COPS2: variants seen among roughly 807,000 people sequenced by gnomAD.
The protein encoded by COPS2 is COP9 signalosome complex subunit 2.
Under a neutral mutation model 66.1 loss-of-function variants are expected in COPS2, and 10 were observed. The ratio of observed to expected loss-of-function variants is 0.15; its 90% CI spans 0.09 to 0.26. The LOEUF (loss-of-function observed/expected upper bound fraction) is 0.26, where lower values mean the gene tolerates loss of function less well. Ranked by LOEUF, COPS2 falls within the 10% of genes least tolerant of loss-of-function variation. The probability of loss-of-function intolerance (pLI) is 1.00; values close to 1 mark genes in which losing one functional copy is unlikely to be tolerated. For missense variants in COPS2, 215 were observed against 513.3 expected, an observed-to-expected ratio of 0.42 and a Z score of 5.62; for synonymous variants, 179 against 171.3, an observed-to-expected ratio of 1.04 and a Z score of -0.35.
rs1195639134 is a variant in COPS2 at position 49,125,647 on chromosome 15, G to C, written c.*2303C>G. 1 of 152,032 alleles carries C rather than the reference G, an allele frequency of 6.6e-6. No individual in the cohort carries two copies. The highest frequency in any genetic ancestry group is 1.5e-5 in the Non-Finnish European group (1 of 67,946). 9.4% of individuals were successfully genotyped at this position (152,032 alleles called of 1,614,324 possible). A position where few individuals can be genotyped will look rare whatever the true frequency, so the allele number is the denominator to read the frequency against. Reference sequence around the variant, plus strand: ...TTAAGGGAAGAATAAATTATTTTAAGTTAGTCAGACTGTTAAGATATATTT... The same window carrying C: ...TTAAGGGAAGAATAAATTATTTTAACTTAGTCAGACTGTTAAGATATATTT... On this transcript the variant is annotated 3_prime_UTR_variant, in exon 13 of 13. Transcript: ENST00000388901.
chr15:49,127,612 C>G lies in COPS2; in HGVS notation c.*338G>C, dbSNP rs1374678940. On this transcript the variant is annotated 3_prime_UTR_variant, in exon 13 of 13. Coordinates refer to ENST00000388901, the MANE Select transcript of COPS2 (RefSeq NM_004236.4). ...GCAGGTAAAACATGTTTAAATTTAA[C>G]CAACAGTAGCGTGTCAGTGTATTTA... is the stretch of plus-strand genomic sequence containing the variant. The G allele has an allele frequency of 5.4e-6, 1 of 184,760 alleles. No individual in the cohort carries two copies. The highest frequency in any genetic ancestry group is 1.1e-5 in the Non-Finnish European group (1 of 89,902). 11.4% of individuals were successfully genotyped at this position (184,760 alleles called of 1,614,324 possible). A position where few individuals can be genotyped will look rare whatever the true frequency, so the allele number is the denominator to read the frequency against.
chr15:49,130,794 T>C lies in COPS2; in HGVS notation c.970A>G (p.Thr324Ala). The C allele has an allele frequency of 6.3e-7, 1 of 1,591,586 alleles. No individual in the cohort carries two copies. The highest frequency in any genetic ancestry group is 8.6e-7 in the Non-Finnish European group (1 of 1,160,736). Residue 324 changes from threonine to alanine, a missense_variant, in exon 10 of 13, where the codon ACT becomes GCT. Around this residue, in one of 5 missense-constraint regions of COPS2, gnomAD observed 56 missense variants for 173.6 expected, o/e 0.32. Transcript: ENST00000388901. Reference sequence around the variant, plus strand: ...GTTTTTAGAATCTTTTCAAATTCAGTGATGTCATTATTCTGATAGGCACTA... The same window carrying C: ...GTTTTTAGAATCTTTTCAAATTCAGCGATGTCATTATTCTGATAGGCACTA... ...LVSAYQNNDI[T>A]EFEKILKTNH...
intron 2 of COPS2, 60 bp from the exon 3 acceptor site, chr15:49,144,364 G>T: frequency 1.1e-6 from 1 of 932,132 alleles, no homozygotes; most frequent in Non-Finnish European, 1.7e-6. Context: ...TTCTAATGAT[G>T]CCCAATGTGT....
chr15:49,136,009 T>A (rs555029835), intron 6 of COPS2, among the ~76,000 whole-genome samples: 31 of 152,330 alleles, frequency 2.0e-4, no homozygotes, highest in African/African-American at 7.5e-4. Flanking sequence ...TGGTTATGCA[T>A]CAGACTAAAG....
intron 9 of COPS2, among the ~76,000 whole-genome samples, chr15:49,131,525 C>T (rs546908511): frequency 1.3e-5 from 2 of 151,760 alleles, no homozygotes; most frequent in African/African-American, 2.4e-5. Flanking sequence ...CTGCTTTATA[C>T]GTAAGACATT....
At chr15:49,133,504 T>G (rs2084229644) in intron 9 of COPS2, among the ~76,000 whole-genome samples, 1 of 152,170 alleles carries the variant, frequency 6.6e-6, no homozygotes, top group Admixed American at 6.5e-5. Context: ...AAGACACAGG[T>G]GCATTCGTGC....
In COPS2 at chr15:49,134,249, G is replaced by C. The variant is rs184792699; in HGVS notation, c.715+91C>G. 44 of 1,423,194 alleles carry C rather than the reference G, an allele frequency of 3.1e-5. No homozygotes were observed. In the African/African-American group the frequency reaches 5.4e-4, roughly 18 times the overall value. The allele number at this position is 1,423,194 out of a possible 1,614,324, so 88.2% of individuals were successfully genotyped here. A position where few individuals can be genotyped will look rare whatever the true frequency, so the allele number is the denominator to read the frequency against. The stretch of plus-strand genomic sequence containing the variant: ...GTAACTTGAATACTACTGGCCCCAA[G>C]GTATACACTGAAGTTCTAAAAAGCA... On this transcript the variant is annotated intron_variant, in intron 7 of 12. Coordinates refer to ENST00000388901, the MANE Select transcript of COPS2 (RefSeq NM_004236.4).
Position 49,126,086 on chromosome 15 carries a change from T to C in COPS2, c.*1864A>G, listed in dbSNP as rs1259999064. 2.0e-5 allele frequency: 3 copies of C among 152,534 alleles called. No homozygotes were observed. The highest frequency in any genetic ancestry group is 1.9e-4 in the East Asian group (1 of 5,202). The allele number at this position is 152,534 out of a possible 1,614,324, so 9.4% of individuals were successfully genotyped here. On this transcript the variant is annotated 3_prime_UTR_variant, in exon 13 of 13. Coordinates refer to ENST00000388901, the MANE Select transcript of COPS2 (RefSeq NM_004236.4). ...GATAACAAAGGGTCTCCAAATTATA[T>C]TGAAAAATAAATCCTAATTAATATC...
rs2084136817 is a variant in COPS2, at chr15:49,123,023, CCAAA to C, written c.*4923_*4926del. 1.3e-5 allele frequency: 2 copies of C among 152,220 alleles called. No individual in the cohort carries two copies. The highest frequency in any genetic ancestry group is 1.3e-4 in the Admixed American group (2 of 15,296). 9.4% of individuals were successfully genotyped at this position (152,220 alleles called of 1,614,324 possible). A position where few individuals can be genotyped will look rare whatever the true frequency, so the allele number is the denominator to read the frequency against. On this transcript the variant is annotated 3_prime_UTR_variant, in exon 13 of 13. Transcript: ENST00000388901. ...ACCAATTATGTAACACATTGCAAAA[CCAAA>C]CAACTTTCTATTTTCCATGTCATTG...
intron 1 of COPS2, among the ~76,000 whole-genome samples, chr15:49,150,219 G>C (rs1242751987): frequency 6.9e-6 from 1 of 145,446 alleles, no homozygotes; most frequent in Non-Finnish European, 1.5e-5. Context: ...CTGCACTCCA[G>C]CCTGGGCAAC....
chr15:49,154,966 C>T (rs894715432), intron 1 of COPS2, among the ~76,000 whole-genome samples: 6 of 152,198 alleles, frequency 3.9e-5, no homozygotes, highest in African/African-American at 1.4e-4. Flanking sequence ...CTGAACTCTC[C>T]CCTACACACT....
At chr15:49,142,015 G>C (rs2084292854) in intron 3 of COPS2, among the ~76,000 whole-genome samples, 1 of 152,070 alleles carries the variant, frequency 6.6e-6, no homozygotes, top group African/African-American at 2.4e-5. Context: ...CACTATAATT[G>C]TTTAATCACA....
intron 10 of COPS2, among the ~76,000 whole-genome samples, chr15:49,130,108 A>C (rs2084197446): frequency 6.6e-6 from 1 of 152,176 alleles, no homozygotes; most frequent in Non-Finnish European, 1.5e-5. Flanking sequence ...AGAGAAAGAA[A>C]GATGGGGAAC....
At chr15:49,129,888 T>A (rs1217475549) in intron 10 of COPS2, among the ~76,000 whole-genome samples, 2 of 152,200 alleles carry the variant, frequency 1.3e-5, no homozygotes, top group Non-Finnish European at 2.9e-5. Context: ...GCCAGCCAAG[T>A]TCCTTGTTTT....
chr15:49,130,205 G>C (rs982656403), intron 10 of COPS2, among the ~76,000 whole-genome samples: 1 of 152,070 alleles, frequency 6.6e-6, no homozygotes, highest in East Asian at 1.9e-4. Flanking sequence ...TGGGAAAATC[G>C]GAGCTATAAA....
chr15:49,154,177 C>A (rs1215048335), intron 1 of COPS2, among the ~76,000 whole-genome samples: 1 of 151,900 alleles, frequency 6.6e-6, no homozygotes, highest in Non-Finnish European at 1.5e-5. Flanking sequence ...TAAAAAAATA[C>A]AAGCACATAT....
At chr15:49,138,379 C>T (rs561512025) in intron 4 of COPS2, among the ~76,000 whole-genome samples, 2 of 152,288 alleles carry the variant, frequency 1.3e-5, no homozygotes, top group Non-Finnish European at 2.9e-5. Context: ...CAGAGTACCA[C>T]CCACCCAATA....
intron 4 of COPS2, 39 bp downstream of exon 4, chr15:49,139,489 A>G: frequency 6.6e-7 from 1 of 1,526,160 alleles, no homozygotes; most frequent in Non-Finnish European, 9.0e-7. Flanking sequence ...TAAATAATAA[A>G]CACACTGATC....
intron 6 of COPS2, among the ~76,000 whole-genome samples, chr15:49,136,467 G>C (rs1595821513): frequency 6.6e-6 from 1 of 152,142 alleles, no homozygotes; most frequent in Non-Finnish European, 1.5e-5. Context: ...CACATAGCTG[G>C]TGCTACCATA....
Sources: allele counts gnomAD v4.1 joint callset (sites outside exome capture counted in the v4.1 genomes callset), GRCh38; gene constraint gnomAD v4.1.1; regional missense constraint gnomAD v4.1.1; transcripts MANE v1.5; gene names NCBI Gene and HGNC (gene_info 2026-07-23, HGNC 2026-07-21).